The following STRA8 variants were observed in gnomAD, a reference collection of about 807,000 sequenced individuals.
The protein encoded by STRA8 is stimulated by retinoic acid 8, also known as stimulated by retinoic acid gene 8 protein homolog.
A neutral mutation model predicts 37.1 loss-of-function variants in STRA8; 18 were observed. That is an observed-to-expected ratio of 0.48 (90% CI 0.34 to 0.72). STRA8 has a LOEUF of 0.72. Ranked by LOEUF, STRA8 falls within the 30% of genes least tolerant of loss-of-function variation. The pLI is 0.01. For synonymous variants in STRA8, 168 were observed against 162.9 expected (o/e 1.03, Z -0.24); for missense variants, 357 against 410.4 (o/e 0.87, Z 1.13).
At chr7:135,236,838 C>A (rs1832385370) in intron 1 of STRA8, among the ~76,000 whole-genome samples, 2 of 152,140 alleles carry the variant, frequency 1.3e-5, no homozygotes, top group Non-Finnish European at 2.9e-5. Flanking sequence ...GTAGTCCAGG[C>A]AATAGAATTC....
At position 135,237,136 on chromosome 7, in the gene STRA8, G is replaced by A. The variant is rs184218347; in HGVS notation, c.-7+3233G>A. ...GCAGAGAGAGATGGTATTATAGATG[G>A]AAGAAGGGGCAGTGGGTCATGGAAT... On this transcript the variant is annotated intron_variant, in intron 1 of 8. Transcript: ENST00000662584. Among the ~76,000 whole-genome samples the A allele has an allele frequency of 2.6e-4, 40 of 152,310 alleles. 1 individual carries two copies. Among genetic ancestry groups the A allele is most frequent in the African/African-American group, 9.1e-4 (38 of 41,568 alleles).
intron 6 of STRA8, among the ~76,000 whole-genome samples, chr7:135,247,718 C>T (rs1180109391): frequency 2.0e-5 from 3 of 152,220 alleles, no homozygotes; most frequent in African/African-American, 4.8e-5. Flanking sequence ...GGGGAGGTTA[C>T]CACAACTGCT....
intron 1 of STRA8, among the ~76,000 whole-genome samples, chr7:135,238,027 C>T (rs1370524185): frequency 6.6e-6 from 1 of 152,116 alleles, no homozygotes; most frequent in African/African-American, 2.4e-5. Flanking sequence ...GCGGATCATA[C>T]ATAGCACAGT....
chr7:135,240,489 CA>C lies in STRA8; in HGVS notation c.-6-20del, dbSNP rs34330846. 3.1e-3 allele frequency: 4,286 copies of C among 1,371,130 alleles called. 1 individual carries two copies. The highest frequency in any genetic ancestry group is 9.4e-3 in the Admixed American group (463 of 49,156). The allele number at this position is 1,371,130 out of a possible 1,614,324, so 84.9% of individuals were successfully genotyped here. On this transcript the variant is annotated intron_variant, in intron 1 of 8. Transcript: ENST00000662584. ...AATATTGTATTTTTATTATCTAGGG[CA>C]AAAAAAAAAGCATACTATTACATTA...
intron 2 of STRA8, 122 bp from the exon 3 acceptor site, chr7:135,242,659 A>T: frequency 1.2e-6 from 1 of 829,708 alleles, no homozygotes; most frequent in Non-Finnish European, 2.0e-6. Context: ...TGACAAGGTT[A>T]AGGGATGTGA....
At chr7:135,253,452 G>A (rs907998438) in intron 7 of STRA8, among the ~76,000 whole-genome samples, 1 of 152,098 alleles carries the variant, frequency 6.6e-6, no homozygotes, top group Non-Finnish European at 1.5e-5. Context: ...AGGCGGGGAG[G>A]GGGCTCTGGG....
Position 135,235,396 on chromosome 7 carries a change from CT to C in STRA8, c.-7+1505del, listed in dbSNP as rs3039083. 4.8e-3 allele frequency among the ~76,000 whole-genome samples: 690 copies of C among 142,378 alleles called. 3 individuals are homozygous for C. The highest frequency in any genetic ancestry group is 0.016 in the African/African-American group (629 of 38,314). The allele number at this position is 142,378 out of a possible 152,430, so 93.4% of individuals were successfully genotyped here. On this transcript the variant is annotated intron_variant, in intron 1 of 8. Coordinates refer to ENST00000662584, the MANE Select transcript of STRA8 (RefSeq NM_001394401.1). ...CCCCACTTCTATTGGTTATGAGTGG[CT>C]TTTTTTTTTTTATTGCTCCAGATAC...
intron 8 of STRA8, among the ~76,000 whole-genome samples, chr7:135,256,977 G>A (rs2129480103): frequency 6.6e-6 from 1 of 152,314 alleles, no homozygotes; most frequent in Non-Finnish European, 1.5e-5. Flanking sequence ...AAACAGAAAA[G>A]TTGCATTCTC....
intron 2 of STRA8, 125 bp downstream of exon 2, chr7:135,240,841 A>G (rs1363584386): frequency 6.8e-6 from 7 of 1,026,176 alleles, no homozygotes; most frequent in Non-Finnish European, 1.0e-5. Context: ...GGTAGCGACA[A>G]ATGCCCTAGA....
intron 1 of STRA8, among the ~76,000 whole-genome samples, chr7:135,238,366 T>A (rs896048475): frequency 6.6e-6 from 1 of 152,172 alleles, no homozygotes; most frequent in African/African-American, 2.4e-5. Flanking sequence ...GTGGGAAGTC[T>A]GCCCCCTATG....
intron 8 of STRA8, 72 bp downstream of exon 8, chr7:135,255,297 G>A (rs1832690141): frequency 8.5e-7 from 1 of 1,172,216 alleles, no homozygotes; most frequent in Admixed American, 1.8e-5. Context: ...CTTAAGGGCA[G>A]CCCTAACCAG....
chr7:135,258,061 TTGGTGGGAGCACCG>T (rs1562975626), intron 8 of STRA8, among the ~76,000 whole-genome samples: 2 of 152,250 alleles, frequency 1.3e-5, no homozygotes, highest in Admixed American at 6.5e-5. Flanking sequence ...TGGTGTTTCA[TTGGTGGGAGCACCG>T]TGGTGCAGTG....
At chr7:135,257,466 G>C (rs1475951999) in intron 8 of STRA8, among the ~76,000 whole-genome samples, 3 of 151,616 alleles carry the variant, frequency 2.0e-5, no homozygotes, top group African/African-American at 7.3e-5. Context: ...TTTTCACCCA[G>C]GATGGTGTGT....
intron 1 of STRA8, among the ~76,000 whole-genome samples, chr7:135,236,274 GTGTA>G (rs1270019636): frequency 6.9e-6 from 1 of 144,548 alleles, no homozygotes; most frequent in African/African-American, 2.5e-5. Flanking sequence ...ATATGTGTGT[GTGTA>G]TGTGTGTGTG....
chr7:135,235,337 A>C (rs1832355890), intron 1 of STRA8, among the ~76,000 whole-genome samples: 1 of 151,988 alleles, frequency 6.6e-6, no homozygotes, highest in Non-Finnish European at 1.5e-5. Flanking sequence ...AAATTCCTTA[A>C]GATGAAGCTT....
At position 135,255,310 on chromosome 7, in the gene STRA8, C is replaced by T. The variant is rs531509686; in HGVS notation, c.1065+85C>T. ...CTCTTAAGGGCAGCCCTAACCAGAA[C>T]TCACCCCAATCATACCATGAGGAGC... On this transcript the variant is annotated intron_variant, in intron 8 of 8. Coordinates refer to ENST00000662584, the MANE Select transcript of STRA8 (RefSeq NM_001394401.1). 4.2e-5 allele frequency: 42 copies of T among 994,300 alleles called. No individual in the cohort carries two copies. The African/African-American group carries it at 6.6e-4, about 16-fold the overall frequency. The allele number at this position is 994,300 out of a possible 1,614,324, so 61.6% of individuals were successfully genotyped here.
Position 135,250,468 on chromosome 7 carries a change from G to A in STRA8, c.880-1328G>A, listed in dbSNP as rs557136077. 4.6e-5 allele frequency among the ~76,000 whole-genome samples: 7 copies of A among 152,242 alleles called. No homozygotes were observed. The East Asian group carries it at 1.2e-3, about 25-fold the overall frequency. On this transcript the variant is annotated intron_variant, in intron 6 of 8. Transcript: ENST00000662584. ...TTTGAAATGACCACAGAGATATCAA[G>A]TAGAAGGACAACAGAAAATGTCCGG...
At chr7:135,244,429 G>C (rs191057554) in intron 4 of STRA8, among the ~76,000 whole-genome samples, 9 of 152,312 alleles carry the variant, frequency 5.9e-5, no homozygotes, top group Non-Finnish European at 1.2e-4. Context: ...CCTGGGTGCA[G>C]GTCCTGACTT....
At chr7:135,234,108 T>C (rs1832334226) in intron 1 of STRA8, among the ~76,000 whole-genome samples, 1 of 150,960 alleles carries the variant, frequency 6.6e-6, no homozygotes, top group Non-Finnish European at 1.5e-5. Flanking sequence ...ATGATGATTA[T>C]TATTATTATC....
Sources: allele counts gnomAD v4.1 joint callset (sites outside exome capture counted in the v4.1 genomes callset), GRCh38; gene constraint gnomAD v4.1.1; transcripts MANE v1.5; gene names NCBI Gene and HGNC (gene_info 2026-07-23, HGNC 2026-07-21).